Variants in AKR1B15 observed in about 807,000 individuals in gnomAD.
AKR1B15 encodes aldo-keto reductase family 1 member B15, also known as estradiol 17-beta-dehydrogenase AKR1B15.
Under a neutral mutation model 38.5 loss-of-function variants are expected in AKR1B15, and 49 were observed. That is an observed-to-expected ratio of 1.27 (90% confidence interval 1.01 to 1.62). The LOEUF is 1.62. Ranked by LOEUF, AKR1B15 falls within the 40% of genes most tolerant of loss-of-function variation. The pLI, the probability that AKR1B15 is intolerant of heterozygous loss-of-function variation, is 0.00. For missense variants in AKR1B15, 411 were observed against 381.6 expected (o/e 1.08, Z -0.64); for synonymous variants, 137 against 135.5 (o/e 1.01, Z -0.08).
chr7:134,567,917 T>A lies in AKR1B15; in HGVS notation c.151-241T>A, dbSNP rs62466194. ...CTAAACTGTGTATCCTCCCAGATAT[T>A]CCCTGGCAAAGAAGACCCCAGCGAA... On this transcript the variant is annotated intron_variant, in intron 3 of 11. Transcript: ENST00000457545. Among the ~76,000 whole-genome samples the A allele has an allele frequency of 5.2e-3, 795 of 152,286 alleles. 8 individuals carry two copies. Among genetic ancestry groups the A allele is most frequent in the Non-Finnish European group, 7.0e-3 (477 of 68,022 alleles).
In AKR1B15 at chr7:134,576,989, G is replaced by A; in HGVS notation, c.852G>A (p.Arg284=). ...TTCTGATCCGTTTCCATATCCAGAG[G>A]AATGTGACAGTGATCCCCAAGTCTA... ...AQVLIRFHIQ[R]NVTVIPKSMT... Residue 284 remains arginine, a synonymous_variant, in exon 10 of 12, where the codon AGG becomes AGA. Transcript: ENST00000457545. The A allele has an allele frequency of 6.2e-7, 1 of 1,613,916 alleles. No individual in the cohort carries two copies. Among genetic ancestry groups the A allele is most frequent in the Non-Finnish European group, 8.5e-7 (1 of 1,179,832 alleles).
chr7:134,559,117 T>C (rs1302712552), intron 2 of AKR1B15, among the ~76,000 whole-genome samples: 1 of 152,130 alleles, frequency 6.6e-6, no homozygotes, highest in African/African-American at 2.4e-5. Flanking sequence ...ATTTATTCTC[T>C]TTTTTCTTTT....
Position 134,577,609 on chromosome 7 carries a change from G to A in AKR1B15, c.910-95G>A, listed in dbSNP as rs893285024. The A allele has an allele frequency of 2.9e-6, 4 of 1,402,888 alleles. No homozygotes were observed. In the Admixed American group the frequency reaches 7.9e-5, roughly 28 times the overall value. 86.9% of individuals were successfully genotyped at this position (1,402,888 alleles called of 1,614,324 possible). On this transcript the variant is annotated intron_variant, in intron 10 of 11. Coordinates refer to ENST00000457545, the MANE Select transcript of AKR1B15 (RefSeq NM_001080538.3). ...AACTCCTATGGCCAGTTTGTGCTGT[G>A]AATGTGAGCTCCCTCCCTGCTAGAA...
chr7:134,568,872 A>AG (rs202110324), intron 4 of AKR1B15, among the ~76,000 whole-genome samples: 1 of 151,350 alleles, frequency 6.6e-6, no homozygotes, highest in Non-Finnish European at 1.5e-5. Context: ...GCTGAAAAAA[A>AG]AAACAAAACA....
chr7:134,558,031 T>C (rs962288739), intron 2 of AKR1B15, among the ~76,000 whole-genome samples: 2 of 152,158 alleles, frequency 1.3e-5, no homozygotes, highest in Non-Finnish European at 2.9e-5. Context: ...GAAATGGATA[T>C]TATCAGATCA....
At chr7:134,570,098 C>T (rs1794635729) in intron 5 of AKR1B15, 1 of 152,862 alleles carries the variant, frequency 6.5e-6, no homozygotes, top group African/African-American at 2.4e-5. Flanking sequence ...AGAATGCGCT[C>T]CTAGGGGTAG....
chr7:134,565,627 G>A, intron 3 of AKR1B15: 1 of 1,580,820 alleles, frequency 6.3e-7, no homozygotes, highest in Non-Finnish European at 8.6e-7. Flanking sequence ...AGCCAGAAAA[G>A]CCTGGAGGTC....
intron 1 of AKR1B15, among the ~76,000 whole-genome samples, chr7:134,555,464 G>A (rs1421523798): frequency 6.6e-6 from 1 of 152,068 alleles, no homozygotes; most frequent in Admixed American, 6.5e-5. Context: ...GCCTAGGCCA[G>A]GCCCCTTAAA....
chr7:134,569,401 C>T lies in AKR1B15; in HGVS notation c.319-12C>T, dbSNP rs1562949859. ...TCCCAGTATTACTAGCTCATTGCTA[C>T]ACTCTTTGCAGGTGTGGCCCACTTT... is the stretch of plus-strand genomic sequence containing the variant. On this transcript the variant is annotated splice_polypyrimidine_tract_variant and intron_variant, in intron 4 of 11. Transcript: ENST00000457545. 4.3e-6 allele frequency: 7 copies of T among 1,613,888 alleles called. No homozygotes were observed. Among genetic ancestry groups the T allele is most frequent in the Admixed American group, 3.3e-5 (2 of 60,022 alleles).
rs1362224664 is a variant in AKR1B15, at chr7:134,557,454, T to C, written c.-23+595T>C. Among the ~76,000 whole-genome samples, 9 of 152,214 alleles carry C rather than the reference T, an allele frequency of 5.9e-5. No individual in the cohort carries two copies. In the East Asian group the frequency reaches 1.4e-3, roughly 23 times the overall value. On this transcript the variant is annotated intron_variant, in intron 2 of 11. Coordinates refer to ENST00000457545, the MANE Select transcript of AKR1B15 (RefSeq NM_001080538.3). ...ACAGACTCCATTTTGGTTTCTTCAC[T>C]TGCAGCCCCTTGTCCCCCTCCCTTA...
At position 134,575,467 on chromosome 7, in the gene AKR1B15, C is replaced by A; in HGVS notation, c.561C>A (p.Val187=). The A allele has an allele frequency of 1.2e-6, 2 of 1,613,838 alleles. No homozygotes were observed. Among genetic ancestry groups the A allele is most frequent in the Non-Finnish European group, 1.7e-6 (2 of 1,179,826 alleles). The change falls in exon 7 of 12, where the codon GTC becomes GTA. Residue 187 remains valine (V), a synonymous_variant. Transcript: ENST00000457545. The part of the protein sequence containing the change: ...VDEGLVKALG[V]SNFNHFQIER... Reference sequence around the variant, plus strand: ...AGGGGCTGGTGAAAGCCCTTGGGGTCTCAAATTTCAACCACTTCCAGATCG... The same window carrying A: ...AGGGGCTGGTGAAAGCCCTTGGGGTATCAAATTTCAACCACTTCCAGATCG...
chr7:134,562,520 G>T (rs1392353066), intron 2 of AKR1B15, among the ~76,000 whole-genome samples: 3 of 152,106 alleles, frequency 2.0e-5, no homozygotes, highest in African/African-American at 7.2e-5. Flanking sequence ...ACGGAGCACT[G>T]ATTGGTCCAT....
chr7:134,565,450 C>A lies in AKR1B15; in HGVS notation c.150+681C>A, dbSNP rs2117647904. On this transcript the variant is annotated intron_variant, in intron 3 of 11. Coordinates refer to ENST00000457545, the MANE Select transcript of AKR1B15 (RefSeq NM_001080538.3). ...ACACAGCAGGACGTGAGACTTCTAC[C>A]TGCTCACTCAGAATCATTTCCGCAC... 3.7e-6 allele frequency: 6 copies of A among 1,612,472 alleles called. No individual in the cohort carries two copies. In the South Asian group the frequency reaches 5.5e-5, roughly 15 times the overall value.
rs1262147097 is a variant in AKR1B15, at chr7:134,559,146, T to C, written c.-23+2287T>C. Among the ~76,000 whole-genome samples the C allele has an allele frequency of 2.0e-5, 3 of 152,318 alleles. No homozygotes were observed. The East Asian group carries it at 5.8e-4, about 29-fold the overall frequency. ...TTCTTTTCAACAGAAGGTCATCTTGTCATCAGTGTAACTCAGGCTAGTCAT... is the reference window on the plus strand; with the variant it reads ...TTCTTTTCAACAGAAGGTCATCTTGCCATCAGTGTAACTCAGGCTAGTCAT... On this transcript the variant is annotated intron_variant, in intron 2 of 11. Transcript: ENST00000457545.
At chr7:134,549,838 C>T (rs760243530) in intron 1 of AKR1B15, among the ~76,000 whole-genome samples, 1 of 152,216 alleles carries the variant, frequency 6.6e-6, no homozygotes, top group Non-Finnish European at 1.5e-5. Context: ...ATCGTCGATA[C>T]TGCCCAAAAT....
intron 4 of AKR1B15, among the ~76,000 whole-genome samples, 157 bp from the exon 5 acceptor site, chr7:134,569,256 G>C (rs1164427454): frequency 6.6e-6 from 1 of 152,184 alleles, no homozygotes; most frequent in Non-Finnish European, 1.5e-5. Flanking sequence ...GCTGAGCCCT[G>C]GCGATCTTCC....
intron 1 of AKR1B15, among the ~76,000 whole-genome samples, chr7:134,554,219 T>A (rs1448221809): frequency 6.6e-6 from 1 of 152,164 alleles, no homozygotes; most frequent in East Asian, 1.9e-4. Context: ...CCATTGCTCG[T>A]GGTAACCAAA....
At chr7:134,563,656 A>G (rs999783341) in intron 2 of AKR1B15, among the ~76,000 whole-genome samples, 1 of 152,228 alleles carries the variant, frequency 6.6e-6, no homozygotes, top group African/African-American at 2.4e-5. Context: ...AAAGTCACCA[A>G]TCAGTGCTCT....
Position 134,575,905 on chromosome 7 carries a change from CT to C in AKR1B15, c.722del (p.Leu241ArgfsTer37), listed in dbSNP as rs1562952337. The C allele has an allele frequency of 7.4e-6, 12 of 1,613,712 alleles. No homozygotes were observed. In the East Asian group the frequency reaches 2.5e-4, roughly 33 times the overall value. On this transcript the variant is annotated frameshift_variant, in exon 8 of 12. Transcript: ENST00000457545. LOFTEE classifies it high-confidence loss of function. The part of the protein sequence containing the change: ...KGITVTAYSP[L>X]GSPDRPWAKP... ...CATCACCGTTACGGCCTACAGCCCC[CT>C]GGGCTCTCCGGATAGACCTTGGTGA...
Sources: allele counts gnomAD v4.1 joint callset (sites outside exome capture counted in the v4.1 genomes callset), GRCh38; gene constraint gnomAD v4.1.1; transcripts MANE v1.5; gene names NCBI Gene and HGNC (gene_info 2026-07-23, HGNC 2026-07-21).